Variants in SUSD4 observed in about 807,000 individuals in gnomAD.
The protein encoded by SUSD4 is sushi domain-containing protein 4.
Under a neutral mutation model 50.5 loss-of-function variants are expected in SUSD4, and 41 were observed. That is an observed-to-expected ratio of 0.81 (90% confidence interval 0.63 to 1.05). The LOEUF (loss-of-function observed/expected upper bound fraction) is 1.05, where lower values mean the gene tolerates loss of function less well. Among genes scored for constraint, SUSD4 ranks in the 50% least tolerant of loss-of-function variants. The probability of loss-of-function intolerance (pLI) is 0.00; values close to 1 mark genes in which losing one functional copy is unlikely to be tolerated. For missense variants in SUSD4, 580 were observed against 634.7 expected (o/e 0.91, Z 0.93); for synonymous variants, 257 against 257.3 (o/e 1.00, Z 0.01).
At position 223,221,243 on chromosome 1, in the gene SUSD4, A is replaced by G. The variant is rs2102983284; in HGVS notation, c.*949T>C. The G allele has an allele frequency of 2.5e-6, 1 of 398,110 alleles. No homozygotes were observed. The highest frequency in any genetic ancestry group is 3.6e-5 in the East Asian group (1 of 28,062). 24.7% of individuals were successfully genotyped at this position (398,110 alleles called of 1,614,324 possible). Reference sequence around the variant, plus strand: ...TTTACAGAAACAATTTCTGTTTTGGAAAATAAATGTATGGTTCAATTTGGG... The same window carrying G: ...TTTACAGAAACAATTTCTGTTTTGGGAAATAAATGTATGGTTCAATTTGGG... On this transcript the variant is annotated 3_prime_UTR_variant, in exon 9 of 9. Coordinates refer to ENST00000366878, the MANE Select transcript of SUSD4 (RefSeq NM_017982.4).
intron 2 of SUSD4, among the ~76,000 whole-genome samples, chr1:223,352,822 C>T (rs572991459): frequency 1.3e-5 from 2 of 152,232 alleles, no homozygotes; most frequent in African/African-American, 4.8e-5. Context: ...ACCCCACTGT[C>T]CTACCTGAGC....
chr1:223,306,952 T>TC (rs1491264557), intron 2 of SUSD4, among the ~76,000 whole-genome samples: 1 of 54,330 alleles, frequency 1.8e-5, no homozygotes, highest in Non-Finnish European at 3.7e-5. Context: ...TATGGATGAG[T>TC]TTTTTTTTTT....
At chr1:223,250,717 C>CAGAGCTAGAGGAAAAG (rs1661246139) in intron 5 of SUSD4, among the ~76,000 whole-genome samples, 1 of 152,110 alleles carries the variant, frequency 6.6e-6, no homozygotes, top group Non-Finnish European at 1.5e-5. Context: ...TTGAGGCCTC[C>CAGAGCTAGAGGAAAAG]AGAGCTAGAG....
chr1:223,292,492 A>G lies in SUSD4; in HGVS notation c.308T>C (p.Phe103Ser). The change falls in exon 3 of 9, where the codon TTT becomes TCT. Residue 103 changes from phenylalanine to serine, a missense_variant. Physicochemically the swap from Phe to Ser is radical, Grantham distance 155. Transcript: ENST00000366878. ...GATKRLCLKH[F>S]NGTLGWIPSD... ...TGGGATCCAGCCTAGGGTTCCATTA[A>G]AATGCTTCAAACACAGTCTCTTTGT... is the stretch of plus-strand genomic sequence containing the variant. The G allele has an allele frequency of 6.2e-7, 1 of 1,614,200 alleles. No homozygotes were observed. Among genetic ancestry groups the G allele is most frequent in the African/African-American group, 1.3e-5 (1 of 75,060 alleles).
chr1:223,254,720 A>T (rs1661572435), intron 5 of SUSD4, among the ~76,000 whole-genome samples: 1 of 152,238 alleles, frequency 6.6e-6, no homozygotes, highest in South Asian at 2.1e-4. Flanking sequence ...AAGCTTCTTG[A>T]TGCCATGGCA....
intron 3 of SUSD4, among the ~76,000 whole-genome samples, chr1:223,274,661 A>T (rs2103098370): frequency 6.6e-6 from 1 of 152,364 alleles, no homozygotes; most frequent in Admixed American, 6.5e-5. Context: ...GGCAATTAGT[A>T]GATTCGTATT....
chr1:223,229,106 G>T lies in SUSD4; in HGVS notation c.916+91C>A. The T allele has an allele frequency of 7.7e-7, 1 of 1,295,950 alleles. No individual in the cohort carries two copies. 80.3% of individuals were successfully genotyped at this position (1,295,950 alleles called of 1,614,324 possible). On this transcript the variant is annotated intron_variant, in intron 6 of 8. Coordinates refer to ENST00000366878, the MANE Select transcript of SUSD4 (RefSeq NM_017982.4). This position sits in a 1 kb window ranked among gnomAD's most constrained non-coding sequence, Gnocchi z 4.7. Reference sequence around the variant, plus strand: ...GTTCCTGACACTGGGTGGGGGAGGAGAGATACAGCTTGGTACATAACCACC... The same window carrying T: ...GTTCCTGACACTGGGTGGGGGAGGATAGATACAGCTTGGTACATAACCACC...
At chr1:223,259,586 A>C (rs992278437) in intron 5 of SUSD4, among the ~76,000 whole-genome samples, 1 of 152,154 alleles carries the variant, frequency 6.6e-6, no homozygotes. Context: ...GCTGTCTGAA[A>C]ACCTGAATGT....
intron 5 of SUSD4, among the ~76,000 whole-genome samples, chr1:223,252,212 G>T (rs1463534389): frequency 5.1e-5 from 4 of 78,958 alleles, no homozygotes; most frequent in African/African-American, 2.0e-4. Context: ...AGAACTTAAA[G>T]TATAATTAAA....
intron 5 of SUSD4, among the ~76,000 whole-genome samples, chr1:223,233,215 T>C (rs1470551849): frequency 2.0e-5 from 3 of 152,168 alleles, no homozygotes; most frequent in Non-Finnish European, 4.4e-5. Flanking sequence ...AGATGCATTT[T>C]CCCCTTAAGT....
intron 2 of SUSD4, among the ~76,000 whole-genome samples, chr1:223,358,573 G>A (rs182031824): frequency 1.5e-3 from 227 of 152,252 alleles, no homozygotes; most frequent in Non-Finnish European, 2.7e-3. Flanking sequence ...TTTTATTCAC[G>A]TATCTAATCA....
chr1:223,246,449 G>A (rs972715574), intron 5 of SUSD4, among the ~76,000 whole-genome samples: 2 of 152,136 alleles, frequency 1.3e-5, no homozygotes, highest in African/African-American at 4.8e-5. Flanking sequence ...AGCAGAGGCC[G>A]GAGGGTCCAG....
intron 2 of SUSD4, among the ~76,000 whole-genome samples, chr1:223,314,778 C>A (rs1183158039): frequency 6.6e-6 from 1 of 152,194 alleles, no homozygotes; most frequent in Non-Finnish European, 1.5e-5. Flanking sequence ...TGTGAGGCCT[C>A]CCCAGCCATG....
At chr1:223,283,789 T>A (rs2103123758) in intron 3 of SUSD4, among the ~76,000 whole-genome samples, 1 of 152,368 alleles carries the variant, frequency 6.6e-6, no homozygotes, top group South Asian at 2.1e-4. Context: ...CAGGTATGTT[T>A]ATTGCAGCAC....
intron 3 of SUSD4, among the ~76,000 whole-genome samples, chr1:223,273,357 T>C (rs562522318): frequency 2.0e-5 from 3 of 152,192 alleles, no homozygotes; most frequent in Admixed American, 6.5e-5. Context: ...CCTCAAAGGG[T>C]TTCCCATATG....
intron 2 of SUSD4, among the ~76,000 whole-genome samples, chr1:223,330,847 T>C (rs552212092): frequency 1.3e-5 from 2 of 152,332 alleles, no homozygotes; most frequent in South Asian, 2.1e-4. Flanking sequence ...GACAGCCCCA[T>C]GTAGTCAGCT....
At chr1:223,250,408 C>G (rs1464949769) in intron 5 of SUSD4, among the ~76,000 whole-genome samples, 2 of 152,184 alleles carry the variant, frequency 1.3e-5, no homozygotes, top group African/African-American at 4.8e-5. Context: ...TCAATCCTAA[C>G]AACAATTTTG....
chr1:223,278,416 T>A (rs1359825120), intron 3 of SUSD4, among the ~76,000 whole-genome samples: 1 of 152,326 alleles, frequency 6.6e-6, no homozygotes, highest in East Asian at 1.9e-4. Context: ...CAGGAGATTA[T>A]ATCCCACGCA....
chr1:223,268,647 A>T lies in SUSD4; in HGVS notation c.390T>A (p.Ala130=). The T allele has an allele frequency of 6.2e-7, 1 of 1,612,562 alleles. No homozygotes were observed. Among genetic ancestry groups the T allele is most frequent in the Non-Finnish European group, 8.5e-7 (1 of 1,179,398 alleles). The change falls in exon 4 of 9, where the codon GCT becomes GCA. Residue 130 remains alanine, a synonymous_variant. Coordinates refer to ENST00000366878, the MANE Select transcript of SUSD4 (RefSeq NM_017982.4). ...GTCTATATGTCTTGTTATGAATCTC[A>T]GCATCTTCGATTTGAGGGATACGGC... ...EDCRIPQIED[A]EIHNKTYRHG... is the part of the protein sequence containing the mutation.
Sources: allele counts gnomAD v4.1 joint callset (sites outside exome capture counted in the v4.1 genomes callset), GRCh38; gene constraint gnomAD v4.1.1; non-coding constraint Gnocchi (gnomAD v3.1); transcripts MANE v1.5; gene names NCBI Gene and HGNC (gene_info 2026-07-23, HGNC 2026-07-21).